CNTNAP2: variants seen among roughly 807,000 people sequenced by gnomAD.
The protein encoded by CNTNAP2 is contactin associated protein 2, also known as contactin-associated protein-like 2.
Under a neutral mutation model 155.2 loss-of-function variants are expected in CNTNAP2, and 98 were observed. The observed-to-expected ratio is 0.63, with a 90% CI of 0.54 to 0.75. The LOEUF (loss-of-function observed/expected upper bound fraction) is 0.75, where lower values mean the gene tolerates loss of function less well. Ranked by LOEUF, CNTNAP2 falls within the 30% of genes least tolerant of loss-of-function variation. The pLI is 0.00. For missense variants in CNTNAP2, 1,727 were observed against 1,688.1 expected (o/e 1.02, Z -0.40); for synonymous variants, 651 against 631.2 (o/e 1.03, Z -0.47).
At chr7:147,296,789 G>T (rs1805456022) in intron 8 of CNTNAP2, among the ~76,000 whole-genome samples, 1 of 152,100 alleles carries the variant, frequency 6.6e-6, no homozygotes, top group African/African-American at 2.4e-5. Context: ...GCCACAAAAA[G>T]GTTCTTTAAT....
intron 2 of CNTNAP2, among the ~76,000 whole-genome samples, chr7:146,805,028 G>A (rs1194675417): frequency 6.6e-6 from 1 of 152,166 alleles, no homozygotes; most frequent in African/African-American, 2.4e-5. Context: ...TGCTCTGAAA[G>A]CACAGGAGGC....
At chr7:147,604,714 A>G (rs1438507820) in intron 12 of CNTNAP2, among the ~76,000 whole-genome samples, 2 of 152,158 alleles carry the variant, frequency 1.3e-5, no homozygotes, top group Admixed American at 6.5e-5. Context: ...CAACCAATCC[A>G]GCAACTCTGG....
At chr7:146,146,716 G>A (rs756204364) in intron 1 of CNTNAP2, among the ~76,000 whole-genome samples, 83 of 152,022 alleles carry the variant, frequency 5.5e-4, no homozygotes, top group Non-Finnish European at 1.5e-4. Context: ...AATTTCGGGG[G>A]CAAATGCCTT....
At position 147,648,388 on chromosome 7, in the gene CNTNAP2, G is replaced by A. The variant is rs77707646; in HGVS notation, c.2098+9082G>A. 2.0e-3 allele frequency among the ~76,000 whole-genome samples: 307 copies of A among 152,210 alleles called. 1 individual carries two copies. The highest frequency in any genetic ancestry group is 7.1e-3 in the African/African-American group (296 of 41,526). On this transcript the variant is annotated intron_variant, in intron 13 of 23. Transcript: ENST00000361727. Reference sequence around the variant, plus strand: ...TATCTCATTTAACTCTCAAAGTTACGCAAAGTAGATTTTATTATCTCTGTT... The same window carrying A: ...TATCTCATTTAACTCTCAAAGTTACACAAAGTAGATTTTATTATCTCTGTT...
At chr7:146,679,119 T>G (rs1405115042) in intron 1 of CNTNAP2, among the ~76,000 whole-genome samples, 2 of 152,134 alleles carry the variant, frequency 1.3e-5, no homozygotes, top group African/African-American at 4.8e-5. Flanking sequence ...ATATTAAGCC[T>G]AGTACCCATT....
At chr7:147,055,496 G>T (rs1350918489) in intron 4 of CNTNAP2, among the ~76,000 whole-genome samples, 1 of 152,148 alleles carries the variant, frequency 6.6e-6, no homozygotes, top group Non-Finnish European at 1.5e-5. Context: ...CCATGGGTAA[G>T]GGAGGATTCC....
intron 13 of CNTNAP2, among the ~76,000 whole-genome samples, chr7:147,688,733 A>G (rs1485941991): frequency 6.6e-6 from 1 of 151,782 alleles, no homozygotes; most frequent in African/African-American, 2.4e-5. Flanking sequence ...CTGTGGTTAT[A>G]CTATGCTGCA....
At chr7:146,648,318 G>A (rs1029329555) in intron 1 of CNTNAP2, among the ~76,000 whole-genome samples, 5 of 152,062 alleles carry the variant, frequency 3.3e-5, no homozygotes, top group African/African-American at 9.7e-5. Flanking sequence ...TTCCCCATGG[G>A]AAAGAAGTGA....
At chr7:146,360,650 G>A (rs1795069268) in intron 1 of CNTNAP2, among the ~76,000 whole-genome samples, 1 of 152,174 alleles carries the variant, frequency 6.6e-6, no homozygotes, top group Admixed American at 6.5e-5. Flanking sequence ...GCTCTTGGGT[G>A]ATTTGGCCAA....
intron 1 of CNTNAP2, among the ~76,000 whole-genome samples, chr7:146,767,621 G>C (rs1802220126): frequency 1.3e-5 from 2 of 152,110 alleles, no homozygotes; most frequent in African/African-American, 2.4e-5. Flanking sequence ...AGCAATGTAT[G>C]AACCATAAAA....
chr7:146,363,579 G>A (rs997078084), intron 1 of CNTNAP2, among the ~76,000 whole-genome samples: 5 of 152,158 alleles, frequency 3.3e-5, no homozygotes, highest in Non-Finnish European at 5.9e-5. Flanking sequence ...GAGGTGGCGA[G>A]GAAGAGGTGG....
intron 21 of CNTNAP2, among the ~76,000 whole-genome samples, chr7:148,306,285 T>C (rs1797490869): frequency 6.6e-6 from 1 of 152,172 alleles, no homozygotes; most frequent in African/African-American, 2.4e-5. Context: ...ATGAATATTA[T>C]TTGATGTGGG....
chr7:148,204,987 A>C (rs4421277), intron 18 of CNTNAP2, among the ~76,000 whole-genome samples: 8 of 152,154 alleles, frequency 5.3e-5, no homozygotes, highest in African/African-American at 1.9e-4. Context: ...ATTGGCACCT[A>C]TTGGAACTCA....
chr7:146,604,754 A>T (rs1159656953), intron 1 of CNTNAP2, among the ~76,000 whole-genome samples: 5 of 141,856 alleles, frequency 3.5e-5, no homozygotes, highest in African/African-American at 1.3e-4. Flanking sequence ...ATAAAAAATG[A>T]TGAGTTCATG....
At position 146,436,206 on chromosome 7, in the gene CNTNAP2, G is replaced by A. The variant is rs1796241153; in HGVS notation, c.97+319233G>A. Among the ~76,000 whole-genome samples, 3 of 152,092 alleles carry A rather than the reference G, an allele frequency of 2.0e-5. No individual in the cohort carries two copies. The South Asian group carries it at 6.2e-4, about 31-fold the overall frequency. ...GGCTAAGTCCGCATAATACTTTGGA[G>A]ATTTTATGTTTTTTGTGATGGGTAA... On this transcript the variant is annotated intron_variant, in intron 1 of 23. Coordinates refer to ENST00000361727, the MANE Select transcript of CNTNAP2 (RefSeq NM_014141.6).
At chr7:146,710,580 A>G (rs1188252086) in intron 1 of CNTNAP2, among the ~76,000 whole-genome samples, 2 of 152,158 alleles carry the variant, frequency 1.3e-5, no homozygotes, top group Non-Finnish European at 2.9e-5. Flanking sequence ...AGGGATAGGC[A>G]GTAGATGACA....
chr7:148,295,730 A>G (rs551669037), intron 21 of CNTNAP2, among the ~76,000 whole-genome samples: 35 of 151,996 alleles, frequency 2.3e-4, no homozygotes, highest in African/African-American at 8.5e-4. Flanking sequence ...TGACCTCGTG[A>G]TCCATCCGCC....
At chr7:148,283,975 A>T (rs1797035461) in intron 21 of CNTNAP2, among the ~76,000 whole-genome samples, 1 of 152,244 alleles carries the variant, frequency 6.6e-6, no homozygotes. Context: ...CTTTAGGAAC[A>T]ATGTTTTAGT....
intron 1 of CNTNAP2, among the ~76,000 whole-genome samples, chr7:146,364,164 A>T (rs1795123185): frequency 6.6e-6 from 1 of 152,174 alleles, no homozygotes; most frequent in Admixed American, 6.5e-5. Flanking sequence ...TATTTTTTAA[A>T]TTTTTAATTA....
Sources: gnomAD v4.1 joint callset for allele counts (sites outside exome capture counted in the v4.1 genomes callset) on GRCh38, gnomAD v4.1.1 for gene constraint, MANE v1.5 for transcripts, NCBI Gene and HGNC (gene_info 2026-07-23, HGNC 2026-07-21) for gene names.